EPAS1: variants seen among roughly 807,000 people sequenced by gnomAD.
The protein encoded by EPAS1 is endothelial PAS domain protein 1, also known as endothelial PAS domain-containing protein 1.
EPAS1 carries 23 observed loss-of-function variants against 87.9 expected under a neutral mutation model. The observed-to-expected ratio is 0.26, with a 90% CI of 0.19 to 0.37. EPAS1 has a LOEUF of 0.37. Ranked by LOEUF, EPAS1 falls within the 10% of genes least tolerant of loss-of-function variation. The pLI, the probability that EPAS1 is intolerant of heterozygous loss-of-function variation, is 1.00. For synonymous variants in EPAS1, 508 were observed against 444.3 expected (o/e 1.14, Z -1.80); for missense variants, 1,138 against 1,120.7 (o/e 1.02, Z -0.22).
At chr2:46,382,670 T>C (rs1684927487) in intron 15 of EPAS1, 72 bp downstream of exon 15, 3 of 1,584,016 alleles carry the variant, frequency 1.9e-6, no homozygotes, top group Non-Finnish European at 1.7e-6. Flanking sequence ...CTACTTTTTT[T>C]CCAGCGTCTG....
intron 1 of EPAS1, among the ~76,000 whole-genome samples, chr2:46,332,251 T>C (rs1683692750): frequency 7.1e-6 from 1 of 139,942 alleles, no homozygotes; most frequent in African/African-American, 2.7e-5. Context: ...TCAGTGTTAA[T>C]GGACAGAACT....
chr2:46,380,655 C>G lies in EPAS1; in HGVS notation c.1983C>G (p.Phe661Leu). 6.2e-7 allele frequency: 1 copy of G among 1,614,140 alleles called. No individual in the cohort carries two copies. Among genetic ancestry groups the G allele is most frequent in the Non-Finnish European group, 8.5e-7 (1 of 1,180,020 alleles). The part of the protein sequence containing the change: ...KWAVGDQRTE[F>L]LGAAPLGPPV... ...CCGTCGGGGATCAGCGCACAGAGTT[C>G]TTGGGAGCAGCGCCGTTGGGGCCCC... The change falls in exon 12 of 16, where the codon TTC (phenylalanine) becomes TTG (leucine). Residue 661 changes from phenylalanine (F) to leucine (L), a missense_variant. Physicochemically the swap from Phe to Leu is conservative, Grantham distance 22. Transcript: ENST00000263734. The surrounding 1 kb of genome is among the most constrained non-coding windows in gnomAD (Gnocchi z 4.4).
chr2:46,358,101 A>G (rs1274491199), intron 4 of EPAS1, among the ~76,000 whole-genome samples: 3 of 152,232 alleles, frequency 2.0e-5, no homozygotes, highest in Non-Finnish European at 4.4e-5. Context: ...GGCTAAGCCT[A>G]CAAGGTTTGG....
rs1209118621 is a variant in EPAS1 at position 46,384,743 on chromosome 2, T to C, written c.*83T>C. The C allele has an allele frequency of 6.5e-7, 1 of 1,536,182 alleles. No individual in the cohort carries two copies. The highest frequency in any genetic ancestry group is 8.8e-7 in the Non-Finnish European group (1 of 1,136,846). ...CTCCGTCTGTTTTTGCAACTAGGTA[T>C]TTCTAACGCCAGCACACTATTTACA... On this transcript the variant is annotated 3_prime_UTR_variant, in exon 16 of 16. Coordinates refer to ENST00000263734, the MANE Select transcript of EPAS1 (RefSeq NM_001430.5).
intron 6 of EPAS1, among the ~76,000 whole-genome samples, chr2:46,366,056 C>T (rs1329691464): frequency 6.7e-6 from 1 of 148,788 alleles, no homozygotes; most frequent in African/African-American, 2.5e-5. Flanking sequence ...GTGTAGGGAA[C>T]AGGGGTAAAA....
chr2:46,340,964 C>T (rs1683899793), intron 1 of EPAS1, among the ~76,000 whole-genome samples: 1 of 152,204 alleles, frequency 6.6e-6, no homozygotes, highest in Non-Finnish European at 1.5e-5. Flanking sequence ...AAGCAATCCT[C>T]CTGCCTCAGT....
chr2:46,318,881 A>G (rs1683398229), intron 1 of EPAS1, among the ~76,000 whole-genome samples: 1 of 152,238 alleles, frequency 6.6e-6, no homozygotes, highest in African/African-American at 2.4e-5. Flanking sequence ...TATCAGAACT[A>G]TCTCTTGCTA....
intron 1 of EPAS1, among the ~76,000 whole-genome samples, chr2:46,329,212 AT>A (rs1683622868): frequency 6.6e-6 from 1 of 152,150 alleles, no homozygotes; most frequent in African/African-American, 2.4e-5. Flanking sequence ...AAGCGCTAGG[AT>A]TGGTTACTGA....
At chr2:46,373,077 C>CT (rs1447262031) in intron 7 of EPAS1, among the ~76,000 whole-genome samples, 2 of 152,208 alleles carry the variant, frequency 1.3e-5, no homozygotes, top group African/African-American at 4.8e-5. Context: ...AGCTCAGACT[C>CT]TGTCACTATT....
In EPAS1 at chr2:46,328,205, C is replaced by T. The variant is rs77902558; in HGVS notation, c.27-18668C>T. Reference sequence around the variant, plus strand: ...GTGTAGACAGTAAGTGAGGTCACCCCGGCCAGGAAATTGGGGGCACCTCCT... The same window carrying T: ...GTGTAGACAGTAAGTGAGGTCACCCTGGCCAGGAAATTGGGGGCACCTCCT... On this transcript the variant is annotated intron_variant, in intron 1 of 15. Coordinates refer to ENST00000263734, the MANE Select transcript of EPAS1 (RefSeq NM_001430.5). 9.2e-4 allele frequency among the ~76,000 whole-genome samples: 140 copies of T among 152,244 alleles called. 5 individuals carry two copies. The East Asian group carries it at 0.027, about 29-fold the overall frequency.
intron 4 of EPAS1, among the ~76,000 whole-genome samples, chr2:46,358,432 GAAGCCTGAGA>G (rs1255260655): frequency 2.6e-5 from 4 of 152,228 alleles, no homozygotes; most frequent in African/African-American, 7.2e-5. Context: ...GTAGGTGCTT[GAAGCCTGAGA>G]AAGCCTGAGA....
chr2:46,331,973 C>T (rs1683684072), intron 1 of EPAS1, among the ~76,000 whole-genome samples: 1 of 152,206 alleles, frequency 6.6e-6, no homozygotes, highest in South Asian at 2.1e-4. Context: ...AGCAGTGCTC[C>T]TGCACTCACC....
chr2:46,360,817 T>C lies in EPAS1; in HGVS notation c.573+61T>C. The C allele has an allele frequency of 6.2e-7, 1 of 1,611,482 alleles. No homozygotes were observed. Among genetic ancestry groups the C allele is most frequent in the South Asian group, 1.1e-5 (1 of 91,010 alleles). On this transcript the variant is annotated intron_variant, in intron 5 of 15. Transcript: ENST00000263734. The surrounding 1 kb of genome is among the most constrained non-coding windows in gnomAD (Gnocchi z 4.5). ...TGTAGGGTAACGGCGGTGCAGGGGA[T>C]GCCTAAGGCCCTACCCCCACCCCCA...
At chr2:46,353,371 C>T (rs981818268) in intron 2 of EPAS1, among the ~76,000 whole-genome samples, 2 of 152,180 alleles carry the variant, frequency 1.3e-5, no homozygotes, top group Admixed American at 6.5e-5. Flanking sequence ...AGCAGGGGCC[C>T]GTCCAGGGCC....
intron 7 of EPAS1, among the ~76,000 whole-genome samples, chr2:46,370,184 G>A (rs1684600127): frequency 1.3e-5 from 2 of 152,228 alleles, no homozygotes; most frequent in Non-Finnish European, 2.9e-5. Context: ...GCACAGCTGA[G>A]GCAGTGGAGG....
In EPAS1 at chr2:46,380,528, C is replaced by G; in HGVS notation, c.1856C>G (p.Pro619Arg). 1 of 1,614,180 alleles carries G rather than the reference C, an allele frequency of 6.2e-7. No individual in the cohort carries two copies. ...GCCGGAAGCAAAGCATCCCTGCCAC[C>G]GTGCTGTGGCCAGGCCAGCACCCCT... ...FDAGSKASLP[P>R]CCGQASTPLS... The change falls in exon 12 of 16, where the codon CCG (proline) becomes CGG (arginine). Residue 619 changes from proline to arginine, a missense_variant. Pro to Arg is a moderately radical substitution (Grantham distance 103, BLOSUM62 -2). Transcript: ENST00000263734. This position sits in a 1 kb window ranked among gnomAD's most constrained non-coding sequence, Gnocchi z 4.4.
At chr2:46,325,922 G>T (rs998169459) in intron 1 of EPAS1, among the ~76,000 whole-genome samples, 1 of 152,074 alleles carries the variant, frequency 6.6e-6, no homozygotes, top group African/African-American at 2.4e-5. Context: ...TCCTGAAGAG[G>T]GAAAGTAGCT....
In EPAS1 at chr2:46,384,015, C is replaced by T. The variant is rs1042847709; in HGVS notation, c.2462-494C>T. Among the ~76,000 whole-genome samples the T allele has an allele frequency of 3.3e-5, 5 of 152,186 alleles. No homozygotes were observed. In the East Asian group the frequency reaches 9.6e-4, roughly 29 times the overall value. ...TGTGTGCTGCGAGTGTCCCCCCTGC[C>T]ACTCCCTGGTCTGCCTCCTCGGCAA... On this transcript the variant is annotated intron_variant, in intron 15 of 15. Transcript: ENST00000263734.
chr2:46,369,121 T>C (rs1461702438), intron 6 of EPAS1, among the ~76,000 whole-genome samples: 1 of 152,182 alleles, frequency 6.6e-6, no homozygotes, highest in Non-Finnish European at 1.5e-5. Flanking sequence ...GGCACATTTC[T>C]ATGACTATGA....
Sources: allele counts gnomAD v4.1 joint callset (sites outside exome capture counted in the v4.1 genomes callset), GRCh38; gene constraint gnomAD v4.1.1; non-coding constraint Gnocchi (gnomAD v3.1); transcripts MANE v1.5; gene names NCBI Gene and HGNC (gene_info 2026-07-23, HGNC 2026-07-21).